The following CCDC88C variants were observed in gnomAD, a reference collection of about 807,000 sequenced individuals.
CCDC88C encodes protein Daple.
Under a neutral mutation model 198.8 loss-of-function variants are expected in CCDC88C, and 131 were observed. The ratio of observed to expected loss-of-function variants is 0.66; its 90% CI spans 0.57 to 0.76. CCDC88C has a LOEUF of 0.76. Ranked by LOEUF, CCDC88C falls within the 30% of genes least tolerant of loss-of-function variation. The pLI is 0.00. For synonymous variants in CCDC88C, 1,166 were observed against 1,114.7 expected (o/e 1.05, Z -0.92); for missense variants, 2,553 against 2,631.6 (o/e 0.97, Z 0.65).
At chr14:91,341,154 T>G (rs966896037) in intron 6 of CCDC88C, among the ~76,000 whole-genome samples, 3 of 152,326 alleles carry the variant, frequency 2.0e-5, no homozygotes, top group Admixed American at 6.5e-5. Flanking sequence ...ACAGGTGATC[T>G]GAGAATTAGG....
intron 26 of CCDC88C, among the ~76,000 whole-genome samples, chr14:91,282,502 T>A (rs1326174323): frequency 6.6e-6 from 1 of 152,250 alleles, no homozygotes; most frequent in African/African-American, 2.4e-5. Context: ...GTTGCTTTTT[T>A]ATAGCATCCT....
At position 91,339,992 on chromosome 14, in the gene CCDC88C, C is replaced by T. The variant is rs1035774900; in HGVS notation, c.516G>A (p.Leu172=). The T allele has an allele frequency of 2.5e-6, 4 of 1,608,064 alleles. No individual in the cohort carries two copies. In the African/African-American group the frequency reaches 5.3e-5, roughly 21 times the overall value. The change falls in exon 7 of 30, where the codon CTG becomes CTA. Residue 172 remains leucine, a synonymous_variant. Coordinates refer to ENST00000389857, the MANE Select transcript of CCDC88C (RefSeq NM_001080414.4). This position sits in a 1 kb window ranked among gnomAD's most constrained non-coding sequence, Gnocchi z 5.8. ...CCACGTCGGGCAGCTCCAGCCACTG[C>T]AGGTCAAACACGTTCTCTTGGTTGT... ...VTHNQENVFD[L]QWLELPDVAP... is the part of the protein sequence containing the mutation.
At chr14:91,302,415 C>T (rs1016839590) in intron 20 of CCDC88C, among the ~76,000 whole-genome samples, 3 of 152,224 alleles carry the variant, frequency 2.0e-5, no homozygotes, top group Non-Finnish European at 4.4e-5. Flanking sequence ...ACACCTGCCC[C>T]TCAGACTCTG....
intron 4 of CCDC88C, among the ~76,000 whole-genome samples, chr14:91,353,232 C>T (rs1243193528): frequency 6.6e-6 from 1 of 152,186 alleles, no homozygotes. Flanking sequence ...CTTGCACTCC[C>T]CTGAGCTCGT....
chr14:91,407,388 C>T lies in CCDC88C; in HGVS notation c.270+1271G>A, dbSNP rs777091626. On this transcript the variant is annotated intron_variant, in intron 3 of 29. Coordinates refer to ENST00000389857, the MANE Select transcript of CCDC88C (RefSeq NM_001080414.4). ...AGGCCTCACAACATCCAAAGATGCT[C>T]CCGAATCCCAGAACCAAGACTAAGT... is the stretch of plus-strand genomic sequence containing the variant. Among the ~76,000 whole-genome samples the T allele has an allele frequency of 5.8e-4, 89 of 152,310 alleles. 1 individual carries two copies. The highest frequency in any genetic ancestry group is 2.3e-3 in the South Asian group (11 of 4,830).
Position 91,338,137 on chromosome 14 carries a change from C to T in CCDC88C, c.918G>A (p.Arg306=), listed in dbSNP as rs750831624. The part of the protein sequence containing the change: ...QENIQLAADA[R]SARAYRDELD... ...GCTCGTCTCGATAGGCACGAGCAGA[C>T]CGGGCGTCTGCCGCTAGCTGGATGT... Residue 306 remains arginine, a synonymous_variant, in exon 10 of 30, where the codon CGG becomes CGA. Transcript: ENST00000389857. This position sits in a 1 kb window ranked among gnomAD's most constrained non-coding sequence, Gnocchi z 4.8. 6.2e-7 allele frequency: 1 copy of T among 1,613,848 alleles called. No individual in the cohort carries two copies. The highest frequency in any genetic ancestry group is 1.1e-5 in the South Asian group (1 of 91,078).
intron 3 of CCDC88C, among the ~76,000 whole-genome samples, chr14:91,380,476 A>T (rs1274580815): frequency 6.6e-6 from 1 of 152,220 alleles, no homozygotes; most frequent in East Asian, 1.9e-4. Context: ...GAAAAGTCTC[A>T]AATGCAAATA....
In CCDC88C at chr14:91,339,059, C is replaced by A. The variant is rs1445094455; in HGVS notation, c.809+219G>T. 1 of 645,436 alleles carries A rather than the reference C, an allele frequency of 1.5e-6. No individual in the cohort carries two copies. Among genetic ancestry groups the A allele is most frequent in the Admixed American group, 2.2e-5 (1 of 46,056 alleles). 40.0% of individuals were successfully genotyped at this position (645,436 alleles called of 1,614,324 possible). Reference sequence around the variant, plus strand: ...TTGCACCGTCTGGACGGGAGGAAACCCTGAAGACCGGGAAGAATCCCCGCC... The same window carrying A: ...TTGCACCGTCTGGACGGGAGGAAACACTGAAGACCGGGAAGAATCCCCGCC... On this transcript the variant is annotated intron_variant, in intron 8 of 29. Transcript: ENST00000389857. This position sits in a 1 kb window ranked among gnomAD's most constrained non-coding sequence, Gnocchi z 5.8.
intron 29 of CCDC88C, among the ~76,000 whole-genome samples, chr14:91,277,560 T>C (rs1890016586): frequency 6.6e-6 from 1 of 152,130 alleles, no homozygotes; most frequent in Admixed American, 6.5e-5. Flanking sequence ...TCAAGGTCCT[T>C]GAAAGTTTGC....
chr14:91,300,096 A>C (rs762202780), intron 20 of CCDC88C, 26 bp from the exon 21 acceptor site: 1 of 1,601,310 alleles, frequency 6.2e-7, no homozygotes, highest in Non-Finnish European at 8.5e-7. Flanking sequence ...ACCTGCCGTG[A>C]GTCTGGCCAG....
rs1204012041 is a variant in CCDC88C, at chr14:91,305,894, T to C, written c.3228A>G (p.Leu1076=). ...TCTCCAGGTGCTGCAGCTGTTCCTT[T>C]AGCAGCTGCTTCTCAGCCTGCAGAG... is the stretch of plus-strand genomic sequence containing the variant. ...NAALQAEKQL[L]KEQLQHLETQ... The change falls in exon 19 of 30, where the codon CTA becomes CTG. Residue 1076 remains leucine (L), a synonymous_variant. Transcript: ENST00000389857. The C allele has an allele frequency of 6.2e-7, 1 of 1,613,820 alleles. No homozygotes were observed. The highest frequency in any genetic ancestry group is 1.1e-5 in the South Asian group (1 of 91,088).
At chr14:91,297,138 C>T (rs1054208982) in intron 22 of CCDC88C, among the ~76,000 whole-genome samples, 167 bp downstream of exon 22, 2 of 152,222 alleles carry the variant, frequency 1.3e-5, no homozygotes, top group East Asian at 1.9e-4. Flanking sequence ...GCCACAATGA[C>T]CCCCGTCAGC....
At chr14:91,348,986 C>T (rs1893669857) in intron 4 of CCDC88C, among the ~76,000 whole-genome samples, 1 of 152,152 alleles carries the variant, frequency 6.6e-6, no homozygotes, top group South Asian at 2.1e-4. Context: ...CATGAGAAGC[C>T]GATGCCCAAT....
At position 91,324,866 on chromosome 14, in the gene CCDC88C, C is replaced by T. The variant is rs1385304790; in HGVS notation, c.1255G>A (p.Glu419Lys). The T allele has an allele frequency of 6.2e-7, 1 of 1,613,780 alleles. No homozygotes were observed. Among genetic ancestry groups the T allele is most frequent in the Non-Finnish European group, 8.5e-7 (1 of 1,179,898 alleles). Reference protein sequence around the residue: ...EELLEENMVLEIAQKQSMNES... With the variant: ...EELLEENMVLKIAQKQSMNES... ...TTCATGCTCTGCTTCTGTGCAATCT[C>T]AAGGACCATGTTTTCTTCCAGCAGC... is the stretch of plus-strand genomic sequence containing the variant. Residue 419 changes from glutamate to lysine, a missense_variant, in exon 12 of 30, where the codon GAG becomes AAG. Around this residue, in one of 2 missense-constraint regions of CCDC88C, gnomAD observed 1,260 missense variants for 1,412.0 expected, o/e 0.89. Coordinates refer to ENST00000389857, the MANE Select transcript of CCDC88C (RefSeq NM_001080414.4).
rs780094181 is a variant in CCDC88C, at chr14:91,273,072, C to T, written c.5640G>A (p.Pro1880=). The change falls in exon 30 of 30, where the codon CCG becomes CCA. Residue 1880 remains proline, a synonymous_variant. Coordinates refer to ENST00000389857, the MANE Select transcript of CCDC88C (RefSeq NM_001080414.4). This position sits in a 1 kb window ranked among gnomAD's most constrained non-coding sequence, Gnocchi z 5.6. Reference sequence around the variant, plus strand: ...CCAGGGAGAAGCGCCTCGTGTCCAGCGGCCGGCTGCGGGGACCTGGGCCCT... The same window carrying T: ...CCAGGGAGAAGCGCCTCGTGTCCAGTGGCCGGCTGCGGGGACCTGGGCCCT... ...SCQGPGPRSR[P]LDTRRFSLAP... 1.7e-5 allele frequency: 27 copies of T among 1,557,828 alleles called. No individual in the cohort carries two copies. The highest frequency in any genetic ancestry group is 1.7e-4 in the Middle Eastern group (1 of 5,966).
chr14:91,374,321 A>C (rs1450678793), intron 3 of CCDC88C, among the ~76,000 whole-genome samples: 1 of 152,250 alleles, frequency 6.6e-6, no homozygotes, highest in Admixed American at 6.5e-5. Context: ...GGTTAAGTCC[A>C]CCAGGTATCT....
intron 17 of CCDC88C, 118 bp downstream of exon 17, chr14:91,308,233 C>G (rs766574236): frequency 3.0e-5 from 36 of 1,211,636 alleles, no homozygotes; most frequent in Non-Finnish European, 4.0e-5. Context: ...TGTGGCGCAT[C>G]TACCCCTGCC....
At chr14:91,388,322 G>A (rs1007267043) in intron 3 of CCDC88C, among the ~76,000 whole-genome samples, 31 of 152,098 alleles carry the variant, frequency 2.0e-4, no homozygotes, top group Admixed American at 1.7e-3. Context: ...CCCACCCCCC[G>A]CTCCACCTCC....
At chr14:91,293,545 TTCCTGTCCCCTC>T (rs1890843866) in intron 23 of CCDC88C, among the ~76,000 whole-genome samples, 1 of 23,834 alleles carries the variant, frequency 4.2e-5, no homozygotes, top group Non-Finnish European at 8.1e-5. Context: ...ACGGCCCACC[TTCCTGTCCCCTC>T]GCCTGCCACG....
Sources: gnomAD v4.1 joint callset for allele counts (sites outside exome capture counted in the v4.1 genomes callset) on GRCh38, gnomAD v4.1.1 for gene constraint, gnomAD v4.1.1 regional missense constraint, Gnocchi (gnomAD v3.1) non-coding constraint, MANE v1.5 for transcripts, NCBI Gene and HGNC (gene_info 2026-07-23, HGNC 2026-07-21) for gene names.